Variants in SLC22A13 observed in about 807,000 individuals in gnomAD.
SLC22A13 encodes solute carrier family 22 member 13.
In SLC22A13, 42 loss-of-function variants were observed where a neutral mutation model predicts 49.1. The ratio of observed to expected loss-of-function variants is 0.85; its 90% confidence interval spans 0.67 to 1.11. The LOEUF (loss-of-function observed/expected upper bound fraction) is 1.11, where lower values mean the gene tolerates loss of function less well. Among genes scored for constraint, SLC22A13 ranks in the 50% least tolerant of loss-of-function variants. The pLI, the probability that SLC22A13 is intolerant of heterozygous loss-of-function variation, is 0.00. For missense variants in SLC22A13, 694 were observed against 712.8 expected (o/e 0.97, Z 0.30); for synonymous variants, 282 against 293.1 (o/e 0.96, Z 0.39).
At chr3:38,272,013 A>G (rs1703528131) in intron 1 of SLC22A13, among the ~76,000 whole-genome samples, 1 of 152,168 alleles carries the variant, frequency 6.6e-6, no homozygotes, top group Non-Finnish European at 1.5e-5. Context: ...AGCCCTCTTC[A>G]TCTCTACCAC....
At chr3:38,274,499 G>T in intron 2 of SLC22A13, 105 bp from the exon 3 acceptor site, 1 of 1,466,576 alleles carries the variant, frequency 6.8e-7, no homozygotes. Context: ...ACCCTCAAAT[G>T]GGGCTCAGAC....
At chr3:38,276,195 T>A in intron 7 of SLC22A13, 92 bp from the exon 8 acceptor site, 1 of 1,488,780 alleles carries the variant, frequency 6.7e-7, no homozygotes, top group Non-Finnish European at 9.3e-7. Flanking sequence ...AGTAAAGGCT[T>A]CCCGGGGGTT....
chr3:38,276,969 A>T lies in SLC22A13; in HGVS notation c.1404A>T (p.Pro468=). ...IFSRIGGILT[P]LVILLGEYHA... is the part of the protein sequence containing the mutation. Reference sequence around the variant, plus strand: ...CACGGATCGGGGGCATCCTCACACCACTTGTGATCCTGCTGGGAGAGTACC... The same window carrying T: ...CACGGATCGGGGGCATCCTCACACCTCTTGTGATCCTGCTGGGAGAGTACC... Residue 468 remains proline (P), a synonymous_variant, in exon 9 of 10, where the codon CCA becomes CCT. Transcript: ENST00000311856. 1 of 1,613,698 alleles carries T rather than the reference A, an allele frequency of 6.2e-7. No individual in the cohort carries two copies. The highest frequency in any genetic ancestry group is 2.2e-5 in the East Asian group (1 of 44,852).
At position 38,275,571 on chromosome 3, in the gene SLC22A13, C is replaced by T. The variant is rs1703570631; in HGVS notation, c.928-7C>T. 1 of 1,613,972 alleles carries T rather than the reference C, an allele frequency of 6.2e-7. No individual in the cohort carries two copies. Among genetic ancestry groups the T allele is most frequent in the African/African-American group, 1.3e-5 (1 of 74,952 alleles). Reference sequence around the variant, plus strand: ...GCCTGGCTTCTCACTCTGCTTCTTCCTCCCAGCTGGTCCCAGAGAAGACAG... The same window carrying T: ...GCCTGGCTTCTCACTCTGCTTCTTCTTCCCAGCTGGTCCCAGAGAAGACAG... On this transcript the variant is annotated splice_region_variant and splice_polypyrimidine_tract_variant and intron_variant, in intron 5 of 9. Coordinates refer to ENST00000311856, the MANE Select transcript of SLC22A13 (RefSeq NM_004256.4).
Position 38,277,714 on chromosome 3 carries a change from G to T in SLC22A13, c.*249G>T. ...GAGCCCTGCCCCCAATACTCTGTCTGGGTTAGGATCTTGGGTATGTCTTGG... is the reference window on the plus strand; with the variant it reads ...GAGCCCTGCCCCCAATACTCTGTCTTGGTTAGGATCTTGGGTATGTCTTGG... On this transcript the variant is annotated 3_prime_UTR_variant, in exon 10 of 10. Coordinates refer to ENST00000311856, the MANE Select transcript of SLC22A13 (RefSeq NM_004256.4). The T allele has an allele frequency of 2.5e-6, 1 of 402,050 alleles. No individual in the cohort carries two copies. The highest frequency in any genetic ancestry group is 4.5e-6 in the Non-Finnish European group (1 of 222,282). The allele number at this position is 402,050 out of a possible 1,614,324, so 24.9% of individuals were successfully genotyped here. A position where few individuals can be genotyped will look rare whatever the true frequency, so the allele number is the denominator to read the frequency against.
At position 38,275,486 on chromosome 3, in the gene SLC22A13, A is replaced by T; in HGVS notation, c.923A>T (p.Asn308Ile). The T allele has an allele frequency of 3.7e-6, 6 of 1,614,180 alleles. No individual in the cohort carries two copies. In the South Asian group the frequency reaches 5.5e-5, roughly 15 times the overall value. ...NRRKLSPELM[N>I]QLVPEKTGPS... ...CGGAAACTCTCCCCGGAGCTCATGA[A>T]CCAGGTACTTCCAGCAGGCCCAGGC... Residue 308 changes from asparagine (N) to isoleucine (I), a missense_variant, in exon 5 of 10, where the codon AAC (asparagine) becomes ATC (isoleucine). Coordinates refer to ENST00000311856, the MANE Select transcript of SLC22A13 (RefSeq NM_004256.4).
rs1308656411 is a variant in SLC22A13 at position 38,278,060 on chromosome 3, A to ACCT, written c.*596_*598dup. 5 of 152,412 alleles carry ACCT rather than the reference A, an allele frequency of 3.3e-5. No homozygotes were observed. The highest frequency in any genetic ancestry group is 1.2e-4 in the African/African-American group (5 of 41,418). The allele number at this position is 152,412 out of a possible 1,614,324, so 9.4% of individuals were successfully genotyped here. Reference sequence around the variant, plus strand: ...CAGTTCAGCCTAAATCAAAACTTCCACCTTGTGTTCACTTCAAAGATGGCC... The same window carrying ACCT: ...CAGTTCAGCCTAAATCAAAACTTCCACCTCCTTGTGTTCACTTCAAAGATGGCC... On this transcript the variant is annotated 3_prime_UTR_variant, in exon 10 of 10. Transcript: ENST00000311856.
Position 38,275,645 on chromosome 3 carries a change from A to T in SLC22A13, c.995A>T (p.Lys332Met), listed in dbSNP as rs867672845. ...LDLFRHPQLRKVTLIIFCVWF... is the reference protein window; with the variant it reads ...LDLFRHPQLRMVTLIIFCVWF... ...CTGTTCAGACACCCCCAGCTCCGGA[A>T]GGTGACCCTGATTATCTTCTGTGTC... The change falls in exon 6 of 10, where the codon AAG (lysine) becomes ATG (methionine). Residue 332 changes from lysine (K) to methionine (M), a missense_variant. Coordinates refer to ENST00000311856, the MANE Select transcript of SLC22A13 (RefSeq NM_004256.4). 1.2e-6 allele frequency: 2 copies of T among 1,614,144 alleles called. No homozygotes were observed. The highest frequency in any genetic ancestry group is 8.5e-7 in the Non-Finnish European group (1 of 1,180,026).
intron 1 of SLC22A13, among the ~76,000 whole-genome samples, chr3:38,272,488 C>T (rs1473995556): frequency 6.6e-6 from 1 of 152,220 alleles, no homozygotes; most frequent in Non-Finnish European, 1.5e-5. Flanking sequence ...CTCAAGGTCA[C>T]ACAAAGCCAC....
intron 1 of SLC22A13, among the ~76,000 whole-genome samples, chr3:38,267,732 G>A (rs760683294): frequency 2.6e-4 from 39 of 152,272 alleles, no homozygotes; most frequent in Admixed American, 1.0e-3. Flanking sequence ...AGGGCTGGGC[G>A]GGTTCTAAGG....
chr3:38,276,033 A>G lies in SLC22A13; in HGVS notation c.1174A>G (p.Ser392Gly), dbSNP rs199628935. Reference sequence around the variant, plus strand: ...GATGCAGAGGTTTGGCCGCAAGTGGAGCCAGTTGGGGACCTTGGTCTTGGG... The same window carrying G: ...GATGCAGAGGTTTGGCCGCAAGTGGGGCCAGTTGGGGACCTTGGTCTTGGG... ...FMMQRFGRKW[S>G]QLGTLVLGGL... Residue 392 changes from serine (S) to glycine (G), a missense_variant, in exon 7 of 10, where the codon AGC becomes GGC. Physicochemically the swap from Ser to Gly is moderately conservative, Grantham distance 56. Coordinates refer to ENST00000311856, the MANE Select transcript of SLC22A13 (RefSeq NM_004256.4). The G allele has an allele frequency of 1.2e-6, 2 of 1,614,100 alleles. No individual in the cohort carries two copies. Among genetic ancestry groups the G allele is most frequent in the Non-Finnish European group, 1.7e-6 (2 of 1,180,022 alleles).
At chr3:38,276,463 C>A in intron 8 of SLC22A13, 68 bp downstream of exon 8, 1 of 1,135,146 alleles carries the variant, frequency 8.8e-7, no homozygotes, top group Non-Finnish European at 1.3e-6. Flanking sequence ...CCTCCTCGGC[C>A]CTCACCCCAT....
chr3:38,268,898 T>C (rs1703489625), intron 1 of SLC22A13, among the ~76,000 whole-genome samples: 1 of 150,300 alleles, frequency 6.7e-6, no homozygotes, highest in African/African-American at 2.4e-5. Flanking sequence ...TAATAAATTT[T>C]TTAAAAGACT....
rs368403312 is a variant in SLC22A13 at position 38,276,244 on chromosome 3, C to T, written c.1238-43C>T. On this transcript the variant is annotated intron_variant, in intron 7 of 9. Transcript: ENST00000311856. ...GGTGGGGAGTTCCAGTGGATGGGAC[C>T]GGCGTCAGGGCCCAGGTGATGGGGC... is the stretch of plus-strand genomic sequence containing the variant. 66 of 1,545,646 alleles carry T rather than the reference C, an allele frequency of 4.3e-5. 1 individual carries two copies. In the African/African-American group the frequency reaches 4.3e-4, roughly 10 times the overall value.
At position 38,266,215 on chromosome 3, in the gene SLC22A13, A is replaced by G. The variant is rs781174891; in HGVS notation, c.355A>G (p.Arg119Gly). 1 of 1,614,064 alleles carries G rather than the reference A, an allele frequency of 6.2e-7. No individual in the cohort carries two copies. Among genetic ancestry groups the G allele is most frequent in the East Asian group, 2.2e-5 (1 of 44,872 alleles). ...CDMGWEYPEN[R>G]LPSLKNEFNL... ...TATGGGCTGGGAATATCCTGAGAAC[A>G]GGCTCCCATCCCTGAAGAATGAGGT... Residue 119 changes from arginine (R) to glycine (G), a missense_variant, in exon 1 of 10, where the codon AGG becomes GGG. Coordinates refer to ENST00000311856, the MANE Select transcript of SLC22A13 (RefSeq NM_004256.4).
intron 9 of SLC22A13, 60 bp from the exon 10 acceptor site, chr3:38,277,312 G>T: frequency 7.5e-7 from 1 of 1,337,732 alleles, no homozygotes; most frequent in Non-Finnish European, 1.1e-6. Flanking sequence ...GGGAGGTGGT[G>T]AGGACACTGT....
chr3:38,274,238 C>A, intron 1 of SLC22A13, 34 bp from the exon 2 acceptor site: 1 of 1,509,424 alleles, frequency 6.6e-7, no homozygotes, highest in Non-Finnish European at 9.2e-7. Context: ...CTCCTTGCAG[C>A]CCCTGGACTC....
chr3:38,272,369 A>T (rs1420463708), intron 1 of SLC22A13, among the ~76,000 whole-genome samples: 1 of 152,238 alleles, frequency 6.6e-6, no homozygotes, highest in East Asian at 1.9e-4. Context: ...CACTGAGCTA[A>T]CCATGTTACA....
In SLC22A13 at chr3:38,266,020, T is replaced by C. The variant is rs776351863; in HGVS notation, c.160T>C (p.Trp54Arg). The C allele has an allele frequency of 1.4e-5, 22 of 1,614,078 alleles. No individual in the cohort carries two copies. Among genetic ancestry groups the C allele is most frequent in the Non-Finnish European group, 6.8e-6 (8 of 1,180,046 alleles). ...LDEPHHCAVA[W>R]VKNHTFNLSA... ...TGAGCCCCACCACTGTGCAGTGGCT[T>C]GGGTGAAGAACCACACTTTCAACCT... The change falls in exon 1 of 10, where the codon TGG becomes CGG. Residue 54 changes from tryptophan (W) to arginine (R), a missense_variant. Transcript: ENST00000311856.
Sources: gnomAD v4.1 joint callset for allele counts (sites outside exome capture counted in the v4.1 genomes callset) on GRCh38, gnomAD v4.1.1 for gene constraint, MANE v1.5 for transcripts, NCBI Gene and HGNC (gene_info 2026-07-23, HGNC 2026-07-21) for gene names.